The following RHOT2 variants were observed in gnomAD, a reference collection of about 807,000 sequenced individuals.
The protein encoded by RHOT2 is mitochondrial Rho GTPase 2.
Under a neutral mutation model 81.6 loss-of-function variants are expected in RHOT2, and 90 were observed. The observed-to-expected ratio is 1.10, with a 90% CI of 0.93 to 1.31. The LOEUF (loss-of-function observed/expected upper bound fraction) is 1.31, where lower values mean the gene tolerates loss of function less well. RHOT2 is among the 40% of genes most tolerant of loss of function. The probability of loss-of-function intolerance (pLI) is 0.00; values close to 1 mark genes in which losing one functional copy is unlikely to be tolerated. For synonymous variants in RHOT2, 512 were observed against 370.9 expected (o/e 1.38, Z -4.37); for missense variants, 1,014 against 841.9 (o/e 1.20, Z -2.53).
chr16:670,047 C>CA, intron 5 of RHOT2, 76 bp from the exon 6 acceptor site: 1 of 1,400,826 alleles, frequency 7.1e-7, no homozygotes, highest in Non-Finnish European at 9.7e-7. Context: ...TGCTCTCCCC[C>CA]AGCCAGGCTC....
At chr16:671,810 G>GCCCCTGCCCCCCCCCC in intron 12 of RHOT2, 29 bp downstream of exon 12, 1 of 1,586,244 alleles carries the variant, frequency 6.3e-7, no homozygotes, top group South Asian at 1.1e-5. Flanking sequence ...CCCTGCCCCT[G>GCCCCTGCCCCCCCCCC]CCCCCGCCCC....
At chr16:669,378 C>T (rs1347578666) in intron 4 of RHOT2, 175 bp from the exon 5 acceptor site, 13 of 643,518 alleles carry the variant, frequency 2.0e-5, no homozygotes, top group East Asian at 2.7e-5. Context: ...GCTCTGCCAA[C>T]ACCAGGCTGG....
chr16:670,328 C>G lies in RHOT2; in HGVS notation c.409C>G (p.Gln137Glu). 1 of 1,612,884 alleles carries G rather than the reference C, an allele frequency of 6.2e-7. No individual in the cohort carries two copies. The highest frequency in any genetic ancestry group is 8.5e-7 in the Non-Finnish European group (1 of 1,179,962). The change falls in exon 7 of 19, where the codon CAG becomes GAG. Residue 137 changes from glutamine to glutamate, a missense_variant. Transcript: ENST00000315082. Reference protein sequence around the residue: ...SMEAVLPIMSQFPEIETCVEC... With the variant: ...SMEAVLPIMSEFPEIETCVEC... ...GGAGGCCGTGCTCCCCATCATGAGC[C>G]AGTTTCCCGAGATTGAGACCTGCGT...
At chr16:669,892 C>T (rs916565954) in intron 5 of RHOT2, 3 of 614,154 alleles carry the variant, frequency 4.9e-6, no homozygotes, top group Non-Finnish European at 8.5e-6. Flanking sequence ...GGGGGCGGCC[C>T]TAGGCTTGGG....
chr16:673,026 T>G lies in RHOT2; in HGVS notation c.1626T>G (p.Phe542Leu). 1.9e-6 allele frequency: 3 copies of G among 1,612,424 alleles called. No individual in the cohort carries two copies. Among genetic ancestry groups the G allele is most frequent in the South Asian group, 2.2e-5 (2 of 91,086 alleles). The stretch of plus-strand genomic sequence containing the variant: ...TGTCTGGCCCATCACCGGCCGAGTT[T>G]TGCCGCAAGCACCGGCTACCCGCTC... Reference protein sequence around the residue: ...VAVSGPSPAEFCRKHRLPAPV... With the variant: ...VAVSGPSPAELCRKHRLPAPV... The change falls in exon 18 of 19, where the codon TTT becomes TTG. Residue 542 changes from phenylalanine to leucine, a missense_variant. Physicochemically the swap from Phe to Leu is conservative, Grantham distance 22 (BLOSUM62 0). Coordinates refer to ENST00000315082, the MANE Select transcript of RHOT2 (RefSeq NM_138769.3).
Position 670,558 on chromosome 16 carries a change from G to A in RHOT2, c.540+1G>A. 2 of 1,602,220 alleles carry A rather than the reference G, an allele frequency of 1.2e-6. No individual in the cohort carries two copies. The highest frequency in any genetic ancestry group is 2.2e-5 in the East Asian group (1 of 44,742). ...CCTCTATGACCCTGAGGCCAAGCAGGTGAGCATCGGCTGGGGCCCCGCACG... is the reference window on the plus strand; with the variant it reads ...CCTCTATGACCCTGAGGCCAAGCAGATGAGCATCGGCTGGGGCCCCGCACG... On this transcript the variant is annotated splice_donor_variant, in intron 8 of 18. Coordinates refer to ENST00000315082, the MANE Select transcript of RHOT2 (RefSeq NM_138769.3). LOFTEE classifies it high-confidence loss of function.
intron 3 of RHOT2, 29 bp downstream of exon 3, chr16:668,598 G>A (rs772158513): frequency 5.0e-6 from 8 of 1,609,586 alleles, no homozygotes; most frequent in African/African-American, 1.3e-5. Context: ...CGGGGGCCCG[G>A]CCCGCAGCGG....
At position 668,237 on chromosome 16, in the gene RHOT2, G is replaced by A; in HGVS notation, c.37+1G>A. ...GTGCGCATCCTGTTACTGGGCGAGG[G>A]TAGGCGCCGGCCCGGGGGTCTCGGA... On this transcript the variant is annotated splice_donor_variant, in intron 1 of 18. Coordinates refer to ENST00000315082, the MANE Select transcript of RHOT2 (RefSeq NM_138769.3). LOFTEE classifies it high-confidence loss of function. The A allele has an allele frequency of 1.5e-6, 1 of 670,634 alleles. No individual in the cohort carries two copies. Among genetic ancestry groups the A allele is most frequent in the South Asian group, 3.3e-5 (1 of 30,192 alleles). The allele number at this position is 670,634 out of a possible 1,614,324, so 41.5% of individuals were successfully genotyped here.
Position 670,872 on chromosome 16 carries a change from C to T in RHOT2, c.640-20C>T, listed in dbSNP as rs2038806210. 1 of 1,585,002 alleles carries T rather than the reference C, an allele frequency of 6.3e-7. No individual in the cohort carries two copies. Among genetic ancestry groups the T allele is most frequent in the Non-Finnish European group, 8.6e-7 (1 of 1,161,568 alleles). Reference sequence around the variant, plus strand: ...CTCCGGGTGGCTGGCTGACTCCCAACAACGTTCTCTCGGAAGCAGAAATCC... The same window carrying T: ...CTCCGGGTGGCTGGCTGACTCCCAATAACGTTCTCTCGGAAGCAGAAATCC... On this transcript the variant is annotated intron_variant, in intron 9 of 18. Transcript: ENST00000315082.
At position 670,952 on chromosome 16, in the gene RHOT2, T is replaced by C. The variant is rs748673715; in HGVS notation, c.700T>C (p.Cys234Arg). 1.3e-6 allele frequency: 2 copies of C among 1,574,198 alleles called. No homozygotes were observed. The highest frequency in any genetic ancestry group is 1.2e-5 in the South Asian group (1 of 86,458). ...QALEDVKTVVCRNVAGGVRED... is the reference protein window; with the variant it reads ...QALEDVKTVVRRNVAGGVRED... Reference sequence around the variant, plus strand: ...CCTGGAGGACGTGAAGACGGTGGTGTGCAGGAACGTGGCGGGCGGCGTGCG... The same window carrying C: ...CCTGGAGGACGTGAAGACGGTGGTGCGCAGGAACGTGGCGGGCGGCGTGCG... The change falls in exon 10 of 19, where the codon TGC (cysteine) becomes CGC (arginine). Residue 234 changes from cysteine to arginine, a missense_variant. Transcript: ENST00000315082.
intron 16 of RHOT2, 54 bp downstream of exon 16, chr16:672,620 G>A (rs1013428412): frequency 5.6e-6 from 9 of 1,609,846 alleles, no homozygotes; most frequent in Admixed American, 1.7e-5. Context: ...GGGACACCCA[G>A]GCCTGCCTGG....
Position 672,871 on chromosome 16 carries a change from C to T in RHOT2, c.1527+46C>T, listed in dbSNP as rs752248099. ...CGTGGCCATGGGGCAGGGTCTGTCC[C>T]TCCAGCTGTGCCTCGGCCACCCCAG... On this transcript the variant is annotated intron_variant, in intron 17 of 18. Coordinates refer to ENST00000315082, the MANE Select transcript of RHOT2 (RefSeq NM_138769.3). 3.1e-6 allele frequency: 5 copies of T among 1,612,444 alleles called. No homozygotes were observed. The African/African-American group carries it at 5.3e-5, about 17-fold the overall frequency.
rs201736953 is a variant in RHOT2, at chr16:672,079, C to G, written c.1098-5C>G. The G allele has an allele frequency of 1.1e-5, 18 of 1,612,474 alleles. No individual in the cohort carries two copies. The African/African-American group carries it at 2.0e-4, about 18-fold the overall frequency. On this transcript the variant is annotated splice_region_variant and splice_polypyrimidine_tract_variant and intron_variant, in intron 13 of 18. Coordinates refer to ENST00000315082, the MANE Select transcript of RHOT2 (RefSeq NM_138769.3). ...ACACTGTGCCTGCCTCCCGCCCACC[C>G]CCAGCCTGGTGACCTACCTGGACGT... is the stretch of plus-strand genomic sequence containing the variant.
chr16:672,709 G>C lies in RHOT2; in HGVS notation c.1411G>C (p.Glu471Gln). ...NGQEKYLILC[E>Q]VGTDGLLATS... ...AGGCCGCTGTCTGTCCCAGCTCTGT[G>C]AGGTGGGCACAGATGGTCTGCTGGC... The change falls in exon 17 of 19, where the codon GAG becomes CAG. Residue 471 changes from glutamate to glutamine, a missense_variant. By Grantham distance (29) the Glu-to-Gln change is conservative (BLOSUM62 2). Transcript: ENST00000315082. 5.0e-6 allele frequency: 8 copies of C among 1,612,270 alleles called. No homozygotes were observed. The highest frequency in any genetic ancestry group is 6.8e-6 in the Non-Finnish European group (8 of 1,179,966).
chr16:669,791 G>C (rs112103333), intron 5 of RHOT2, 185 bp downstream of exon 5: 1 of 657,576 alleles, frequency 1.5e-6, no homozygotes, highest in East Asian at 2.7e-5. Context: ...AGGGTCTGGG[G>C]CGTCCCGCAG....
Position 669,434 on chromosome 16 carries a change from AC to A in RHOT2, c.223-116del, listed in dbSNP as rs1417534362. 3 of 964,990 alleles carry A rather than the reference AC, an allele frequency of 3.1e-6. No individual in the cohort carries two copies. In the African/African-American group the frequency reaches 4.9e-5, roughly 16 times the overall value. 59.8% of individuals were successfully genotyped at this position (964,990 alleles called of 1,614,324 possible). A position where few individuals can be genotyped will look rare whatever the true frequency, so the allele number is the denominator to read the frequency against. On this transcript the variant is annotated intron_variant, in intron 4 of 18. Transcript: ENST00000315082. ...TGGGCTTTCCCGGCCTCAGAGCTGC[AC>A]CCATGCTACCTGTGAGCTTCTGGGG... is the stretch of plus-strand genomic sequence containing the variant.
At chr16:668,821 C>T in intron 4 of RHOT2, 122 bp downstream of exon 4, 2 of 1,092,816 alleles carry the variant, frequency 1.8e-6, no homozygotes, top group Non-Finnish European at 2.6e-6. Context: ...TCTGTGACCT[C>T]CGCACTGAGG....
At chr16:670,396 T>C (rs755246329) in intron 7 of RHOT2, 39 bp downstream of exon 7, 11 of 1,610,364 alleles carry the variant, frequency 6.8e-6, no homozygotes, top group Non-Finnish European at 8.5e-6. Context: ...CTTCATTCCT[T>C]GTGTTCTCAG....
intron 11 of RHOT2, 21 bp downstream of exon 11, chr16:671,224 A>G: frequency 6.6e-7 from 1 of 1,526,370 alleles, no homozygotes; most frequent in Non-Finnish European, 8.8e-7. Context: ...CCGGGGCTTG[A>G]GGCCTGCCCT....
Sources: allele counts gnomAD v4.1 joint callset, GRCh38; gene constraint gnomAD v4.1.1; transcripts MANE v1.5; gene names NCBI Gene and HGNC (gene_info 2026-07-23, HGNC 2026-07-21).